The following TRRAP variants were observed in gnomAD, a reference collection of about 807,000 sequenced individuals.
TRRAP encodes transformation/transcription domain associated protein.
TRRAP carries 41 observed loss-of-function variants against 438.8 expected under a neutral mutation model. That is an observed-to-expected ratio of 0.09 (90% CI 0.07 to 0.12). The LOEUF (loss-of-function observed/expected upper bound fraction) is 0.12. TRRAP is among the 10% of genes least tolerant of loss of function. The probability of loss-of-function intolerance (pLI) is 1.00; values close to 1 mark genes in which losing one functional copy is unlikely to be tolerated. For missense variants in TRRAP, 3,122 were observed against 5,055.1 expected (o/e 0.62, Z 11.60); for synonymous variants, 1,994 against 1,962.9 (o/e 1.02, Z -0.42).
chr7:98,918,894 A>G (rs1409868154), intron 20 of TRRAP, among the ~76,000 whole-genome samples: 3 of 151,958 alleles, frequency 2.0e-5, no homozygotes, highest in Admixed American at 6.6e-5. Context: ...TGTCTCTACT[A>G]AAAATACAAA....
intron 30 of TRRAP, among the ~76,000 whole-genome samples, chr7:98,941,243 A>AT (rs1790783028): frequency 1.3e-5 from 2 of 152,082 alleles, no homozygotes; most frequent in South Asian, 4.1e-4. Flanking sequence ...TGGCGTGATC[A>AT]TAGCTCACTG....
chr7:98,998,020 A>G (rs973269689), intron 67 of TRRAP, among the ~76,000 whole-genome samples: 1 of 152,226 alleles, frequency 6.6e-6, no homozygotes, highest in Admixed American at 6.5e-5. Flanking sequence ...GGCTCCCTCC[A>G]AAGAGGACTG....
chr7:99,007,486 C>T (rs577786144), intron 69 of TRRAP, among the ~76,000 whole-genome samples: 2 of 151,972 alleles, frequency 1.3e-5, no homozygotes, highest in African/African-American at 4.8e-5. Context: ...GTAGCTGGGA[C>T]TACAGGTGCG....
intron 47 of TRRAP, 114 bp downstream of exon 47, chr7:98,962,541 C>T (rs556861889): frequency 1.0e-4 from 164 of 1,567,648 alleles, no homozygotes; most frequent in Admixed American, 3.3e-4. Flanking sequence ...AGCTTTGAGC[C>T]GCTGCGTTGT....
intron 12 of TRRAP, 65 bp downstream of exon 12, chr7:98,903,582 CT>C: frequency 6.3e-7 from 1 of 1,598,324 alleles, no homozygotes; most frequent in Non-Finnish European, 8.5e-7. Flanking sequence ...GGGGACTCGG[CT>C]GACATTCCAT....
chr7:98,967,245 A>C, intron 50 of TRRAP, 83 bp downstream of exon 50: 4 of 1,511,612 alleles, frequency 2.6e-6, no homozygotes, highest in Non-Finnish European at 3.6e-6. Flanking sequence ...CCATGATTTT[A>C]ATCTTTTACT....
intron 18 of TRRAP, 90 bp from the exon 19 acceptor site, chr7:98,915,633 G>T: frequency 6.8e-7 from 1 of 1,472,020 alleles, no homozygotes; most frequent in Non-Finnish European, 9.1e-7. Context: ...GCCTTCCATT[G>T]CTGTCGGATT....
In TRRAP at chr7:98,984,183, T is replaced by A; in HGVS notation, c.9113T>A (p.Ile3038Asn). ...LGVHASASAI[I>N]QYGKIARKQG... ...GTTCATGCATCAGCTTCAGCGATCA[T>A]CCAGTATGGAAAAATCGCCCGGAAA... Residue 3038 changes from isoleucine to asparagine, a missense_variant, in exon 61 of 73, where the codon ATC becomes AAC. Ile to Asn is a moderately radical substitution (Grantham distance 149). Transcript: ENST00000456197. 1 of 1,614,174 alleles carries A rather than the reference T, an allele frequency of 6.2e-7. No homozygotes were observed. The highest frequency in any genetic ancestry group is 8.5e-7 in the Non-Finnish European group (1 of 1,180,024).
chr7:98,917,365 C>T, intron 19 of TRRAP, 58 bp from the exon 20 acceptor site: 1 of 1,581,044 alleles, frequency 6.3e-7, no homozygotes, highest in Non-Finnish European at 8.6e-7. Flanking sequence ...GTGTGTTTCA[C>T]CTGGGCCCGA....
chr7:98,962,174 C>T (rs931235227), intron 46 of TRRAP, 128 bp from the exon 47 acceptor site: 79 of 1,413,414 alleles, frequency 5.6e-5, no homozygotes, highest in Non-Finnish European at 7.3e-5. Flanking sequence ...CCCACACTGT[C>T]CTGCAGGGAG....
chr7:98,881,878 C>T, intron 2 of TRRAP, 97 bp from the exon 3 acceptor site: 1 of 1,350,818 alleles, frequency 7.4e-7, no homozygotes, highest in African/African-American at 1.4e-5. Flanking sequence ...CTGATAAGAT[C>T]TGATTGCTTC....
chr7:98,996,064 C>CCCATCG (rs1261747970), intron 67 of TRRAP, among the ~76,000 whole-genome samples: 3 of 151,204 alleles, frequency 2.0e-5, no homozygotes, highest in Non-Finnish European at 4.4e-5. Flanking sequence ...ACACCCCATC[C>CCCATCG]ACTTACCTGC....
intron 5 of TRRAP, among the ~76,000 whole-genome samples, chr7:98,892,910 G>A (rs558309425): frequency 6.6e-6 from 1 of 152,250 alleles, no homozygotes; most frequent in Admixed American, 6.5e-5. Context: ...TCCTTGGGGT[G>A]AATCCATCTG....
intron 27 of TRRAP, among the ~76,000 whole-genome samples, chr7:98,935,072 T>C (rs1273429687): frequency 6.6e-6 from 1 of 152,130 alleles, no homozygotes; most frequent in Non-Finnish European, 1.5e-5. Flanking sequence ...TGGTAAAATA[T>C]CTGGAAGGAT....
intron 40 of TRRAP, among the ~76,000 whole-genome samples, chr7:98,954,576 T>C (rs1034096300): frequency 6.6e-6 from 1 of 152,054 alleles, no homozygotes; most frequent in Non-Finnish European, 1.5e-5. Context: ...CCTTCTCTGC[T>C]CCTCCCCACT....
chr7:98,899,049 C>T (rs1318417366), intron 8 of TRRAP, among the ~76,000 whole-genome samples: 1 of 152,024 alleles, frequency 6.6e-6, no homozygotes, highest in Non-Finnish European at 1.5e-5. Flanking sequence ...ATTAGCTGGA[C>T]GTGGTGGTTC....
intron 59 of TRRAP, among the ~76,000 whole-genome samples, chr7:98,982,740 G>A (rs1792988235): frequency 7.6e-6 from 1 of 130,990 alleles, no homozygotes; most frequent in Non-Finnish European, 1.6e-5. Context: ...CTACCTCCCA[G>A]GCTCATAGGA....
At chr7:98,961,046 AG>A (rs1791869717) in intron 45 of TRRAP, among the ~76,000 whole-genome samples, 1 of 152,226 alleles carries the variant, frequency 6.6e-6, no homozygotes, top group Admixed American at 6.5e-5. Context: ...TTAATATTTT[AG>A]TAAGTATTTT....
chr7:98,965,667 GT>G, intron 48 of TRRAP, 28 bp from the exon 49 acceptor site: 1 of 1,613,300 alleles, frequency 6.2e-7, no homozygotes, highest in East Asian at 2.2e-5. Flanking sequence ...TTAGAGACCC[GT>G]GGGTTTGTTC....
Sources: gnomAD v4.1 joint callset for allele counts (sites outside exome capture counted in the v4.1 genomes callset) on GRCh38, gnomAD v4.1.1 for gene constraint, MANE v1.5 for transcripts, NCBI Gene and HGNC (gene_info 2026-07-23, HGNC 2026-07-21) for gene names.